The following APLF variants were observed in gnomAD, a reference collection of about 807,000 sequenced individuals.
APLF encodes the protein aprataxin and PNKP like factor.
In APLF, 61 loss-of-function variants were observed where a neutral mutation model predicts 55.6. The observed-to-expected ratio is 1.10, with a 90% CI of 0.89 to 1.36. APLF has a LOEUF of 1.36. Ranked by LOEUF, APLF falls within the 40% of genes most tolerant of loss-of-function variation. The pLI, the probability that APLF is intolerant of heterozygous loss-of-function variation, is 0.00. For synonymous variants in APLF, 207 were observed against 214.8 expected (o/e 0.96, Z 0.32); for missense variants, 611 against 602.5 (o/e 1.01, Z -0.15).
intron 1 of APLF, among the ~76,000 whole-genome samples, chr2:68,483,479 T>C (rs1027295721): frequency 1.3e-5 from 2 of 152,334 alleles, no homozygotes; most frequent in East Asian, 3.9e-4. Context: ...ACTTCAGTGC[T>C]TTCCCTCAGA....
At position 68,522,689 on chromosome 2, in the gene APLF, C is replaced by T. The variant is rs1027752721; in HGVS notation, c.623-3372C>T. 1.1e-4 allele frequency among the ~76,000 whole-genome samples: 16 copies of T among 151,840 alleles called. 1 individual carries two copies. The highest frequency in any genetic ancestry group is 2.1e-4 in the Non-Finnish European group (14 of 67,820). On this transcript the variant is annotated intron_variant, in intron 5 of 9. Transcript: ENST00000303795. ...GCCAGGAAAAAAAAGAAGAATGAAA[C>T]ACCCAGAAACAGATAAGAAAAATAC...
chr2:68,530,567 T>G (rs1436415593), intron 6 of APLF, among the ~76,000 whole-genome samples: 2 of 152,216 alleles, frequency 1.3e-5, no homozygotes, highest in African/African-American at 4.8e-5. Context: ...AAAAGTCAGT[T>G]TCTCTGGTCT....
In APLF at chr2:68,579,364, T is replaced by C. The variant is rs1014983075; in HGVS notation, c.*1342T>C. 1 of 978,772 alleles carries C rather than the reference T, an allele frequency of 1.0e-6. No homozygotes were observed. Among genetic ancestry groups the C allele is most frequent in the Non-Finnish European group, 1.2e-6 (1 of 823,864 alleles). The allele number at this position is 978,772 out of a possible 1,614,324, so 60.6% of individuals were successfully genotyped here. A position where few individuals can be genotyped will look rare whatever the true frequency, so the allele number is the denominator to read the frequency against. The stretch of plus-strand genomic sequence containing the variant: ...CCTTTAGCCTTGGTAGTATAACAAA[T>C]CTACGAATGTAATATTTAACTTATT... On this transcript the variant is annotated 3_prime_UTR_variant, in exon 10 of 10. Coordinates refer to ENST00000303795, the MANE Select transcript of APLF (RefSeq NM_173545.3).
chr2:68,557,671 G>T (rs763691644), intron 8 of APLF, among the ~76,000 whole-genome samples: 1 of 152,154 alleles, frequency 6.6e-6, no homozygotes, highest in African/African-American at 2.4e-5. Flanking sequence ...CAGCACTGTG[G>T]GAGGCTGAGG....
chr2:68,541,429 C>T (rs901360286), intron 7 of APLF, among the ~76,000 whole-genome samples: 2 of 151,658 alleles, frequency 1.3e-5, no homozygotes, highest in East Asian at 1.9e-4. Flanking sequence ...TAACTAGCAA[C>T]CAATAAGAAA....
chr2:68,547,335 T>C (rs1414528715), intron 8 of APLF, among the ~76,000 whole-genome samples: 1 of 151,950 alleles, frequency 6.6e-6, no homozygotes, highest in South Asian at 2.1e-4. Flanking sequence ...GTATACAAAC[T>C]GATTCAAAAT....
intron 2 of APLF, among the ~76,000 whole-genome samples, chr2:68,493,138 A>G (rs1057374542): frequency 6.6e-4 from 100 of 152,180 alleles, no homozygotes; most frequent in African/African-American, 2.3e-3. Flanking sequence ...TCTTCAAGTT[A>G]CAACTAATTG....
At chr2:68,476,772 T>A (rs1675789556) in intron 1 of APLF, among the ~76,000 whole-genome samples, 2 of 152,112 alleles carry the variant, frequency 1.3e-5, no homozygotes, top group South Asian at 4.1e-4. Context: ...CCCAAAGTCC[T>A]AATGGGTATG....
intron 5 of APLF, among the ~76,000 whole-genome samples, chr2:68,523,949 A>G (rs913056643): frequency 7.0e-6 from 1 of 143,874 alleles, no homozygotes; most frequent in African/African-American, 2.9e-5. Context: ...GTTGATAGTA[A>G]GGAATTTGGA....
intron 8 of APLF, among the ~76,000 whole-genome samples, chr2:68,560,848 T>C (rs1671148352): frequency 6.6e-6 from 1 of 152,166 alleles, no homozygotes; most frequent in Non-Finnish European, 1.5e-5. Context: ...TTGAAAGTTA[T>C]TTCAAATGCT....
rs113224717 is a variant in APLF at position 68,574,962 on chromosome 2, C to A, written c.1334-2858C>A. 2.2e-4 allele frequency among the ~76,000 whole-genome samples: 33 copies of A among 152,190 alleles called. 1 individual carries two copies. The highest frequency in any genetic ancestry group is 7.5e-4 in the African/African-American group (31 of 41,532). On this transcript the variant is annotated intron_variant, in intron 9 of 9. Transcript: ENST00000303795. ...CAACAAATATATTTATTAAGTGCTC[C>A]CACATGTTAAGCGCTGTTGTCTGAG...
intron 9 of APLF, among the ~76,000 whole-genome samples, chr2:68,571,304 T>C (rs1351214764): frequency 6.6e-6 from 1 of 152,184 alleles, no homozygotes; most frequent in Non-Finnish European, 1.5e-5. Context: ...TTTAATTAGA[T>C]CCCATTTGTC....
intron 3 of APLF, among the ~76,000 whole-genome samples, chr2:68,508,147 C>T (rs1387279140): frequency 6.6e-6 from 1 of 151,690 alleles, no homozygotes; most frequent in Non-Finnish European, 1.5e-5. Context: ...TTAAGAATAA[C>T]TTAATTGCCA....
chr2:68,530,965 T>A (rs1670237759), intron 6 of APLF, among the ~76,000 whole-genome samples: 4 of 152,246 alleles, frequency 2.6e-5, no homozygotes, highest in Admixed American at 2.6e-4. Flanking sequence ...ACCTGACTTC[T>A]CTTATTCCAT....
intron 9 of APLF, among the ~76,000 whole-genome samples, chr2:68,572,679 TAA>T (rs11429194): frequency 6.6e-6 from 1 of 151,602 alleles, no homozygotes; most frequent in Non-Finnish European, 1.5e-5. Flanking sequence ...CTACAAAAAA[TAA>T]AAAAAATTAA....
intron 9 of APLF, among the ~76,000 whole-genome samples, chr2:68,568,753 A>G (rs1671376612): frequency 1.3e-5 from 2 of 152,142 alleles, no homozygotes; most frequent in African/African-American, 4.8e-5. Context: ...AATTTCTTGA[A>G]ATTATTGAAG....
rs888826742 is a variant in APLF, at chr2:68,528,973, G to A, written c.804+2731G>A. 39 of 1,525,464 alleles carry A rather than the reference G, an allele frequency of 2.6e-5. No individual in the cohort carries two copies. The African/African-American group carries it at 2.7e-4, about 11-fold the overall frequency. The allele number at this position is 1,525,464 out of a possible 1,614,324, so 94.5% of individuals were successfully genotyped here. A position where few individuals can be genotyped will look rare whatever the true frequency, so the allele number is the denominator to read the frequency against. ...CCTCCTGCTCCTGGGTCTGTACCTGGTCTTTCACCTCCGTTGCTTCTTTGG... is the reference window on the plus strand; with the variant it reads ...CCTCCTGCTCCTGGGTCTGTACCTGATCTTTCACCTCCGTTGCTTCTTTGG... On this transcript the variant is annotated intron_variant, in intron 6 of 9. Coordinates refer to ENST00000303795, the MANE Select transcript of APLF (RefSeq NM_173545.3).
intron 2 of APLF, among the ~76,000 whole-genome samples, chr2:68,496,531 T>C (rs1166980076): frequency 6.6e-6 from 1 of 152,230 alleles, no homozygotes; most frequent in Admixed American, 6.5e-5. Context: ...TTATCAAGCT[T>C]TTGCACTCTG....
intron 8 of APLF, among the ~76,000 whole-genome samples, chr2:68,551,498 T>C (rs973741805): frequency 5.3e-5 from 8 of 151,976 alleles, no homozygotes; most frequent in Admixed American, 5.2e-4. Flanking sequence ...CCTTTGACCA[T>C]GTCCCACATG....
Sources: gnomAD v4.1 joint callset for allele counts (sites outside exome capture counted in the v4.1 genomes callset) on GRCh38, gnomAD v4.1.1 for gene constraint, MANE v1.5 for transcripts, NCBI Gene and HGNC (gene_info 2026-07-23, HGNC 2026-07-21) for gene names.